Variants in WBP2 observed in about 807,000 individuals in gnomAD.
WBP2 encodes WW domain binding protein 2.
A neutral mutation model predicts 33.0 loss-of-function variants in WBP2; 23 were observed. The observed-to-expected ratio is 0.70, with a 90% CI of 0.50 to 0.99. The LOEUF (loss-of-function observed/expected upper bound fraction) is 0.99, where lower values mean the gene tolerates loss of function less well. Ranked by LOEUF, WBP2 falls within the 50% of genes least tolerant of loss-of-function variation. The pLI, the probability that WBP2 is intolerant of heterozygous loss-of-function variation, is 0.00. For synonymous variants in WBP2, 153 were observed against 133.5 expected, an observed-to-expected ratio of 1.15 and a Z score of -1.01; for missense variants, 353 against 358.0, an observed-to-expected ratio of 0.99 and a Z score of 0.11.
At chr17:75,850,150 G>C (rs1256762048) in intron 2 of WBP2, among the ~76,000 whole-genome samples, 1 of 152,172 alleles carries the variant, frequency 6.6e-6, no homozygotes, top group African/African-American at 2.4e-5. Context: ...TGGTGCAGTA[G>C]GTCGCTAGCT....
intron 3 of WBP2, 51 bp from the exon 4 acceptor site, chr17:75,848,713 C>A: frequency 6.6e-7 from 1 of 1,514,402 alleles, no homozygotes; most frequent in Non-Finnish European, 9.1e-7. Flanking sequence ...AAAACTTATG[C>A]CCAAAGAGAT....
rs922629367 is a variant in WBP2 at position 75,846,436 on chromosome 17, G to C, written c.*298C>G. On this transcript the variant is annotated 3_prime_UTR_variant, in exon 8 of 8. Transcript: ENST00000254806. The surrounding 1 kb of genome is among the most constrained non-coding windows in gnomAD (Gnocchi z 4.8). Reference sequence around the variant, plus strand: ...GGAGGTGGCCAGAGAGTCCCTTCGAGGGGAGAAGCTGAGAGTGAAACAGGA... The same window carrying C: ...GGAGGTGGCCAGAGAGTCCCTTCGACGGGAGAAGCTGAGAGTGAAACAGGA... The C allele has an allele frequency of 2.1e-6, 1 of 471,546 alleles. No individual in the cohort carries two copies. Among genetic ancestry groups the C allele is most frequent in the Non-Finnish European group, 3.8e-6 (1 of 260,876 alleles). 29.2% of individuals were successfully genotyped at this position (471,546 alleles called of 1,614,324 possible).
In WBP2 at chr17:75,846,351, T is replaced by C; in HGVS notation, c.*383A>G. On this transcript the variant is annotated 3_prime_UTR_variant, in exon 8 of 8. Transcript: ENST00000254806. This position sits in a 1 kb window ranked among gnomAD's most constrained non-coding sequence, Gnocchi z 4.8. Reference sequence around the variant, plus strand: ...GGGAAGACACCTGGCTGGTCTGAAGTGGCTCATGAGGCTGAGTGTAGCAGT... The same window carrying C: ...GGGAAGACACCTGGCTGGTCTGAAGCGGCTCATGAGGCTGAGTGTAGCAGT... 1 of 284,974 alleles carries C rather than the reference T, an allele frequency of 3.5e-6. No homozygotes were observed. The highest frequency in any genetic ancestry group is 3.2e-5 in the South Asian group (1 of 31,630). 17.7% of individuals were successfully genotyped at this position (284,974 alleles called of 1,614,324 possible). A position where few individuals can be genotyped will look rare whatever the true frequency, so the allele number is the denominator to read the frequency against.
chr17:75,855,159 T>TCCCC, intron 1 of WBP2, 80 bp downstream of exon 1: 1 of 964,064 alleles, frequency 1.0e-6, no homozygotes, highest in South Asian at 1.4e-5. Flanking sequence ...AGGGGCTTAT[T>TCCCC]CCCCACCACC....
At chr17:75,851,985 T>TC (rs1368566691) in intron 1 of WBP2, 1 of 220,246 alleles carries the variant, frequency 4.5e-6, no homozygotes, top group Non-Finnish European at 9.6e-6. Flanking sequence ...GCACCTGTAA[T>TC]CCCAGCTAGT....
chr17:75,855,758 C>CA (rs1206597333), upstream of WBP2, among the ~76,000 whole-genome samples: 7 of 152,280 alleles, frequency 4.6e-5, no homozygotes, highest in Non-Finnish European at 1.0e-4. Flanking sequence ...GCGACCTGGA[C>CA]ATGGCGTGGG....
chr17:75,846,505 G>T lies in WBP2; in HGVS notation c.*229C>A, dbSNP rs2064992471. On this transcript the variant is annotated 3_prime_UTR_variant, in exon 8 of 8. Transcript: ENST00000254806. This position sits in a 1 kb window ranked among gnomAD's most constrained non-coding sequence, Gnocchi z 4.8. ...TCCCAGAAGAGCCCCAGACGGTGAG[G>T]GAGGTACGCTGGGCAGCACTGTGGG... The T allele has an allele frequency of 3.4e-6, 2 of 594,018 alleles. No individual in the cohort carries two copies. Among genetic ancestry groups the T allele is most frequent in the Non-Finnish European group, 3.0e-6 (1 of 333,830 alleles). The allele number at this position is 594,018 out of a possible 1,614,324, so 36.8% of individuals were successfully genotyped here.
intron 2 of WBP2, among the ~76,000 whole-genome samples, chr17:75,850,537 A>G (rs2065022243): frequency 1.3e-5 from 2 of 151,812 alleles, no homozygotes; most frequent in Admixed American, 1.3e-4. Context: ...GAGCCACCGC[A>G]CCCGGCCCCA....
At position 75,851,496 on chromosome 17, in the gene WBP2, C is replaced by T. The variant is rs1167493770; in HGVS notation, c.168+72G>A. The T allele has an allele frequency of 1.4e-5, 17 of 1,212,942 alleles. No homozygotes were observed. In the Admixed American group the frequency reaches 2.4e-4, roughly 17 times the overall value. 75.1% of individuals were successfully genotyped at this position (1,212,942 alleles called of 1,614,324 possible). A position where few individuals can be genotyped will look rare whatever the true frequency, so the allele number is the denominator to read the frequency against. ...ACCTGACTCATGAGGCTGAGGCAGA[C>T]CTGAGACTAAGACTCACGTCACCTC... On this transcript the variant is annotated intron_variant, in intron 2 of 7. Transcript: ENST00000254806.
At chr17:75,850,153 C>T (rs1459467510) in intron 2 of WBP2, among the ~76,000 whole-genome samples, 2 of 152,088 alleles carry the variant, frequency 1.3e-5, no homozygotes, top group Non-Finnish European at 2.9e-5. Context: ...TGCAGTAGGT[C>T]GCTAGCTCCC....
intron 2 of WBP2, among the ~76,000 whole-genome samples, chr17:75,850,913 C>T (rs1043907535): frequency 6.6e-6 from 1 of 152,048 alleles, no homozygotes; most frequent in African/African-American, 2.4e-5. Flanking sequence ...AGGCTGGTCT[C>T]GAACTCCTGA....
At position 75,846,255 on chromosome 17, in the gene WBP2, T is replaced by G. The variant is rs2143911949; in HGVS notation, c.*479A>C. On this transcript the variant is annotated 3_prime_UTR_variant, in exon 8 of 8. Transcript: ENST00000254806. The surrounding 1 kb of genome is among the most constrained non-coding windows in gnomAD (Gnocchi z 4.8). ...GCAGCTGGACCCTGGCTGAGTGGAA[T>G]GCGGGCGCGGTGGCCTTCTGAGACC... 1 of 165,384 alleles carries G rather than the reference T, an allele frequency of 6.0e-6. No individual in the cohort carries two copies. The highest frequency in any genetic ancestry group is 1.9e-4 in the East Asian group (1 of 5,324). 10.2% of individuals were successfully genotyped at this position (165,384 alleles called of 1,614,324 possible). A position where few individuals can be genotyped will look rare whatever the true frequency, so the allele number is the denominator to read the frequency against.
In WBP2 at chr17:75,847,785, G is replaced by C; in HGVS notation, c.532+11C>G. 4 of 1,553,238 alleles carry C rather than the reference G, an allele frequency of 2.6e-6. No individual in the cohort carries two copies. The highest frequency in any genetic ancestry group is 3.5e-6 in the Non-Finnish European group (4 of 1,147,146). The stretch of plus-strand genomic sequence containing the variant: ...CATGAGGGGAGTGGGGGCAGCAAAG[G>C]ACACACTCACCAGGTGGGGGCGGTG... On this transcript the variant is annotated intron_variant, in intron 5 of 7. Coordinates refer to ENST00000254806, the MANE Select transcript of WBP2 (RefSeq NM_012478.4).
At position 75,849,668 on chromosome 17, in the gene WBP2, A is replaced by G; in HGVS notation, c.240T>C (p.Cys80=). The change falls in exon 3 of 8, where the codon TGT becomes TGC. Residue 80 remains cysteine (C), a synonymous_variant. Coordinates refer to ENST00000254806, the MANE Select transcript of WBP2 (RefSeq NM_012478.4). The part of the protein sequence containing the change: ...FMMPFYLMKD[C]EIKQPVFGAN... ...CACCAAATACGGGCTGCTTGATCTC[A>G]CAGTCTTTCATGAGATAAAATGGCA... 6.2e-7 allele frequency: 1 copy of G among 1,614,138 alleles called. No homozygotes were observed. Among genetic ancestry groups the G allele is most frequent in the Non-Finnish European group, 8.5e-7 (1 of 1,180,006 alleles).
chr17:75,855,418 C>A (rs976339125), upstream of WBP2: 11 of 1,088,948 alleles, frequency 1.0e-5, no homozygotes, highest in Non-Finnish European at 1.4e-5. Context: ...CGGAGGCTGG[C>A]CCAAACACCT....
intron 1 of WBP2, among the ~76,000 whole-genome samples, chr17:75,853,579 A>T (rs1406481226): frequency 1.3e-5 from 2 of 152,208 alleles, no homozygotes; most frequent in African/African-American, 4.8e-5. Context: ...AATGGCACGA[A>T]AAGCTGGCCA....
chr17:75,847,980 G>A (rs375155765), intron 4 of WBP2, 50 bp from the exon 5 acceptor site: 145 of 1,552,786 alleles, frequency 9.3e-5, no homozygotes, highest in Non-Finnish European at 1.2e-4. Flanking sequence ...CTTGGGGCGG[G>A]GAGAGGGCAG....
At chr17:75,852,122 T>C (rs1765202534) in intron 1 of WBP2, 1 of 164,404 alleles carries the variant, frequency 6.1e-6, no homozygotes. Context: ...AATAAATAAA[T>C]AAAGCCATTC....
rs1043432272 is a variant in WBP2, at chr17:75,847,267, C to T, written c.655+220G>A. On this transcript the variant is annotated intron_variant, in intron 6 of 7. Coordinates refer to ENST00000254806, the MANE Select transcript of WBP2 (RefSeq NM_012478.4). Reference sequence around the variant, plus strand: ...GAGGATCGAGAGGCACACAGGGTGACCTTCCCCGCCCAGGGCACATGGATA... The same window carrying T: ...GAGGATCGAGAGGCACACAGGGTGATCTTCCCCGCCCAGGGCACATGGATA... The T allele has an allele frequency of 1.8e-5, 14 of 778,570 alleles. No individual in the cohort carries two copies. In the African/African-American group the frequency reaches 1.9e-4, roughly 11 times the overall value. 48.2% of individuals were successfully genotyped at this position (778,570 alleles called of 1,614,324 possible). A position where few individuals can be genotyped will look rare whatever the true frequency, so the allele number is the denominator to read the frequency against.
Sources: gnomAD v4.1 joint callset for allele counts (sites outside exome capture counted in the v4.1 genomes callset) on GRCh38, gnomAD v4.1.1 for gene constraint, Gnocchi (gnomAD v3.1) non-coding constraint, MANE v1.5 for transcripts, NCBI Gene and HGNC (gene_info 2026-07-23, HGNC 2026-07-21) for gene names.